FBXO41: variants seen among roughly 807,000 people sequenced by gnomAD.
FBXO41 encodes the protein F-box only protein 41.
A neutral mutation model predicts 81.6 loss-of-function variants in FBXO41; 33 were observed. That is an observed-to-expected ratio of 0.40 (90% confidence interval 0.31 to 0.54). FBXO41 has a LOEUF of 0.54. FBXO41 is among the 20% of genes least tolerant of loss of function. FBXO41 has a pLI of 0.39. For missense variants in FBXO41, 1,107 were observed against 1,236.0 expected (o/e 0.90, Z 1.56); for synonymous variants, 576 against 552.7 (o/e 1.04, Z -0.59).
intron 8 of FBXO41, 76 bp downstream of exon 8, chr2:73,263,602 G>A: frequency 6.4e-7 from 1 of 1,560,698 alleles, no homozygotes; most frequent in Non-Finnish European, 8.7e-7. Flanking sequence ...CCTGGGGGAG[G>A]CTATGCAGCA....
In FBXO41 at chr2:73,265,980, G is replaced by C. The variant is rs966592397; in HGVS notation, c.1132-14C>G. The C allele has an allele frequency of 1.3e-5, 20 of 1,564,338 alleles. No individual in the cohort carries two copies. The highest frequency in any genetic ancestry group is 1.6e-5 in the Non-Finnish European group (19 of 1,153,130). ...GTGGTGTTCTCGCTGTGGGCCCCCAGAGCAGGAGGTAAAGGAGAGGGGCGG... is the reference window on the plus strand; with the variant it reads ...GTGGTGTTCTCGCTGTGGGCCCCCACAGCAGGAGGTAAAGGAGAGGGGCGG... On this transcript the variant is annotated splice_polypyrimidine_tract_variant and intron_variant, in intron 3 of 12. Transcript: ENST00000520530.
chr2:73,271,552 G>GA (rs1688490444), intron 1 of FBXO41: 1 of 150,974 alleles, frequency 6.6e-6, no homozygotes, highest in African/African-American at 2.5e-5. Context: ...CTTAGATGGA[G>GA]AAACACATTC....
In FBXO41 at chr2:73,259,001, T is replaced by C; in HGVS notation, c.2609A>G (p.Lys870Arg). The C allele has an allele frequency of 1.9e-6, 3 of 1,591,046 alleles. No homozygotes were observed. Among genetic ancestry groups the C allele is most frequent in the Non-Finnish European group, 2.6e-6 (3 of 1,169,038 alleles). ...RPGFSKILHI[K>R]VEGGC ...CCCGGGTTAGCAGCCGCCTTCCACCTTGATGTGCAGAATCTTAGAGAAGCC... is the reference window on the plus strand; with the variant it reads ...CCCGGGTTAGCAGCCGCCTTCCACCCTGATGTGCAGAATCTTAGAGAAGCC... The change falls in exon 13 of 13, where the codon AAG (lysine) becomes AGG (arginine). Residue 870 changes from lysine to arginine, a missense_variant. Physicochemically the swap from Lys to Arg is conservative, Grantham distance 26. Around this residue, in one of 2 missense-constraint regions of FBXO41, gnomAD observed 336 missense variants for 446.7 expected, o/e 0.75. Transcript: ENST00000520530. The surrounding 1 kb of genome is among the most constrained non-coding windows in gnomAD (Gnocchi z 4.2).
In FBXO41 at chr2:73,265,508, A is replaced by G. The variant is rs1406318920; in HGVS notation, c.1338T>C (p.Ala446=). 2 of 1,596,280 alleles carry G rather than the reference A, an allele frequency of 1.3e-6. No homozygotes were observed. The highest frequency in any genetic ancestry group is 1.7e-6 in the Non-Finnish European group (2 of 1,174,050). The change falls in exon 5 of 13, where the codon GCT becomes GCC. Residue 446 remains alanine, a synonymous_variant. Transcript: ENST00000520530. ...GPGGLGTRAQ[A]ANGGSERSQP... ...GGGACCGCTCTGAGCCCCCGTTGGC[A>G]GCCTGGGCCCGTGTGCCCAAGCCCC...
intron 1 of FBXO41, among the ~76,000 whole-genome samples, chr2:73,282,535 T>G (rs1447113856): frequency 6.6e-6 from 1 of 152,086 alleles, no homozygotes; most frequent in Non-Finnish European, 1.5e-5. Flanking sequence ...AGACCCTGTC[T>G]CTACCAAAAG....
Position 73,265,504 on chromosome 2 carries a change from T to C in FBXO41, c.1342A>G (p.Asn448Asp). The C allele has an allele frequency of 6.3e-7, 1 of 1,596,838 alleles. No individual in the cohort carries two copies. The highest frequency in any genetic ancestry group is 8.5e-7 in the Non-Finnish European group (1 of 1,174,504). Residue 448 changes from asparagine to aspartate, a missense_variant, in exon 5 of 13, where the codon AAC becomes GAC. Physicochemically the swap from Asn to Asp is conservative, Grantham distance 23 (BLOSUM62 1). This residue lies in a region of FBXO41 where 771 missense variants were observed against 789.2 expected (regional missense o/e 0.98). Transcript: ENST00000520530. ...GGLGTRAQAANGGSERSQPPR... is the reference protein window; with the variant it reads ...GGLGTRAQAADGGSERSQPPR... ...GGCTGGGACCGCTCTGAGCCCCCGT[T>C]GGCAGCCTGGGCCCGTGTGCCCAAG...
Position 73,265,384 on chromosome 2 carries a change from C to T in FBXO41, c.1462G>A (p.Asp488Asn), listed in dbSNP as rs757187429. Residue 488 changes from aspartate (D) to asparagine (N), a missense_variant, in exon 5 of 13, where the codon GAC becomes AAC. Physicochemically the swap from Asp to Asn is conservative, Grantham distance 23. This residue lies in a region of FBXO41 where 771 missense variants were observed against 789.2 expected (regional missense o/e 0.98). Transcript: ENST00000520530. ...STEGEEGDVS[D>N]VGSRTTESEA... Reference sequence around the variant, plus strand: ...GACTCAGTGGTTCGGGAGCCAACGTCGGAGACATCACCCTCTTCCCCCTCA... The same window carrying T: ...GACTCAGTGGTTCGGGAGCCAACGTTGGAGACATCACCCTCTTCCCCCTCA... 5.6e-6 allele frequency: 9 copies of T among 1,611,622 alleles called. No homozygotes were observed. Among genetic ancestry groups the T allele is most frequent in the Admixed American group, 1.7e-5 (1 of 60,018 alleles).
At chr2:73,272,153 C>T (rs1574389007) in intron 1 of FBXO41, 2 of 152,198 alleles carry the variant, frequency 1.3e-5, no homozygotes, top group East Asian at 3.9e-4. Context: ...TAAACTGTCT[C>T]CCACCATCCC....
At chr2:73,279,916 A>T (rs1261736210) in intron 1 of FBXO41, among the ~76,000 whole-genome samples, 1 of 152,130 alleles carries the variant, frequency 6.6e-6, no homozygotes, top group Non-Finnish European at 1.5e-5. Flanking sequence ...ATTCTTTTTT[A>T]AAAAATGCTT....
chr2:73,264,688 C>T (rs1688166348), intron 5 of FBXO41, among the ~76,000 whole-genome samples, 169 bp from the exon 6 acceptor site: 1 of 152,036 alleles, frequency 6.6e-6, no homozygotes, highest in African/African-American at 2.4e-5. Flanking sequence ...TTTGCGGTAC[C>T]CCATCTCCAG....
At chr2:73,265,208 G>A in intron 5 of FBXO41, 74 bp downstream of exon 5, 1 of 1,390,208 alleles carries the variant, frequency 7.2e-7, no homozygotes, top group East Asian at 2.4e-5. Context: ...TGGGGAAAGG[G>A]GAGGGGGGTG....
rs1687895276 is a variant in FBXO41, at chr2:73,258,469, C to T, written c.*513G>A. ...GGTACCCCCAGGAAATGTGGATCCA[C>T]AGCCTGGGCAGGCTGTCTGAAGGGG... is the stretch of plus-strand genomic sequence containing the variant. On this transcript the variant is annotated 3_prime_UTR_variant, in exon 13 of 13. Transcript: ENST00000520530. The T allele has an allele frequency of 6.5e-6, 1 of 152,958 alleles. No homozygotes were observed. The allele number at this position is 152,958 out of a possible 1,614,324, so 9.5% of individuals were successfully genotyped here.
chr2:73,265,177 T>C, intron 5 of FBXO41, 105 bp downstream of exon 5: 1 of 1,091,344 alleles, frequency 9.2e-7, no homozygotes, highest in Non-Finnish European at 1.3e-6. Context: ...AAGGGCGCTA[T>C]GTAGGAGGGG....
chr2:73,283,437 A>G (rs546625664), intron 1 of FBXO41, among the ~76,000 whole-genome samples: 1 of 152,284 alleles, frequency 6.6e-6, no homozygotes, highest in African/African-American at 2.4e-5. Context: ...ACACCTCCCA[A>G]GGTCACACAC....
At chr2:73,262,657 T>A (rs1333295458) in intron 9 of FBXO41, among the ~76,000 whole-genome samples, 1 of 152,256 alleles carries the variant, frequency 6.6e-6, no homozygotes, top group African/African-American at 2.4e-5. Flanking sequence ...CTTTGCAGTT[T>A]GAGAAACTAA....
rs1200451280 is a variant in FBXO41 at position 73,258,909 on chromosome 2, C to G, written c.*73G>C. 7.5e-6 allele frequency: 11 copies of G among 1,464,974 alleles called. No homozygotes were observed. Among genetic ancestry groups the G allele is most frequent in the Non-Finnish European group, 1.0e-5 (11 of 1,095,560 alleles). The allele number at this position is 1,464,974 out of a possible 1,614,324, so 90.7% of individuals were successfully genotyped here. ...CGGCCTCCAAAGGTCTAGTCCAAAC[C>G]AGGGTCCCTCTGAGGTCCAAAGAGA... On this transcript the variant is annotated 3_prime_UTR_variant, in exon 13 of 13. Coordinates refer to ENST00000520530, the MANE Select transcript of FBXO41 (RefSeq NM_001371389.2).
At chr2:73,278,390 C>T (rs1688754096) in intron 1 of FBXO41, among the ~76,000 whole-genome samples, 1 of 152,242 alleles carries the variant, frequency 6.6e-6, no homozygotes, top group African/African-American at 2.4e-5. Context: ...AACTAATAGT[C>T]TCCCAAATCT....
intron 1 of FBXO41, among the ~76,000 whole-genome samples, chr2:73,277,279 G>A (rs1688725183): frequency 6.6e-6 from 1 of 152,174 alleles, no homozygotes; most frequent in South Asian, 2.1e-4. Flanking sequence ...GAAAATTTTT[G>A]TCTAGATTTA....
At chr2:73,277,960 C>A (rs1247202606) in intron 1 of FBXO41, among the ~76,000 whole-genome samples, 1 of 152,182 alleles carries the variant, frequency 6.6e-6, no homozygotes, top group Non-Finnish European at 1.5e-5. Context: ...GTTGTCAATC[C>A]TAGTAGGTGG....
Sources: gnomAD v4.1 joint callset for allele counts (sites outside exome capture counted in the v4.1 genomes callset) on GRCh38, gnomAD v4.1.1 for gene constraint, gnomAD v4.1.1 regional missense constraint, Gnocchi (gnomAD v3.1) non-coding constraint, MANE v1.5 for transcripts, NCBI Gene and HGNC (gene_info 2026-07-23, HGNC 2026-07-21) for gene names.